Variants in GNAI2 observed in about 807,000 individuals in gnomAD.
GNAI2 encodes the protein guanine nucleotide-binding protein G(i) subunit alpha-2.
Under a neutral mutation model 36.8 loss-of-function variants are expected in GNAI2, and 4 were observed. That is an observed-to-expected ratio of 0.11 (90% CI 0.05 to 0.25). The LOEUF (loss-of-function observed/expected upper bound fraction) is 0.25, where lower values mean the gene tolerates loss of function less well. Among genes scored for constraint, GNAI2 ranks in the 10% least tolerant of loss-of-function variants. The probability of loss-of-function intolerance (pLI) is 1.00; values close to 1 mark genes in which losing one functional copy is unlikely to be tolerated. For synonymous variants in GNAI2, 194 were observed against 194.1 expected (o/e 1.00, Z 0.01); for missense variants, 230 against 481.3 (o/e 0.48, Z 4.89).
In GNAI2 at chr3:50,252,635, G is replaced by A. The variant is rs782820635; in HGVS notation, c.303+97G>A. 48 of 1,045,954 alleles carry A rather than the reference G, an allele frequency of 4.6e-5. No homozygotes were observed. Among genetic ancestry groups the A allele is most frequent in the Middle Eastern group, 2.9e-4 (1 of 3,396 alleles). The allele number at this position is 1,045,954 out of a possible 1,614,324, so 64.8% of individuals were successfully genotyped here. ...CCTATAAATCCCAGCACTTTGGGAC[G>A]CCGAGGCGGGTGGATCACCTGAGGT... On this transcript the variant is annotated intron_variant, in intron 3 of 8. Transcript: ENST00000313601. The surrounding 1 kb of genome is among the most constrained non-coding windows in gnomAD (Gnocchi z 4.1).
chr3:50,236,466 C>A lies in GNAI2; in HGVS notation c.118+13C>A, dbSNP rs1553700405. ...TTGCTGCTGTTGGGTGAGGCCGCGT[C>A]CCGCACTGGGATCCTTGATTCCCAG... is the stretch of plus-strand genomic sequence containing the variant. On this transcript the variant is annotated intron_variant, in intron 1 of 8. Transcript: ENST00000313601. The surrounding 1 kb of genome is among the most constrained non-coding windows in gnomAD (Gnocchi z 4.0). 6.4e-7 allele frequency: 1 copy of A among 1,573,190 alleles called. No homozygotes were observed. The highest frequency in any genetic ancestry group is 8.6e-7 in the Non-Finnish European group (1 of 1,163,540).
chr3:50,246,351 C>G (rs782639713), intron 1 of GNAI2, among the ~76,000 whole-genome samples: 45 of 152,338 alleles, frequency 3.0e-4, no homozygotes, highest in South Asian at 1.4e-3. Context: ...ACAGTGTCTC[C>G]GGCTGCCGGG....
chr3:50,245,478 C>T (rs1205643576), intron 1 of GNAI2, among the ~76,000 whole-genome samples: 5 of 152,218 alleles, frequency 3.3e-5, no homozygotes, highest in African/African-American at 1.2e-4. Context: ...CGTTATCTTT[C>T]CCAGAGTCCA....
chr3:50,256,932 C>T lies in GNAI2; in HGVS notation c.724-5C>T, dbSNP rs1157426386. The T allele has an allele frequency of 6.2e-7, 1 of 1,613,954 alleles. No individual in the cohort carries two copies. The highest frequency in any genetic ancestry group is 8.5e-7 in the Non-Finnish European group (1 of 1,179,974). On this transcript the variant is annotated splice_region_variant and splice_polypyrimidine_tract_variant and intron_variant, in intron 6 of 8. Coordinates refer to ENST00000313601, the MANE Select transcript of GNAI2 (RefSeq NM_002070.4). ...CTAGCGTTGACCTTGCTATTCTACC[C>T]CCAGAACCGCATGCATGAGAGCATG...
In GNAI2 at chr3:50,252,324, C is replaced by A. The variant is rs1553702596; in HGVS notation, c.162-73C>A. ...AGTTTTCCCTTCTCTGAAGCAGGTC[C>A]CAGTAGCCCCAGGCAGCCGTGGGAA... On this transcript the variant is annotated intron_variant, in intron 2 of 8. Transcript: ENST00000313601. This position sits in a 1 kb window ranked among gnomAD's most constrained non-coding sequence, Gnocchi z 4.1. 6.5e-7 allele frequency: 1 copy of A among 1,535,452 alleles called. No individual in the cohort carries two copies. Among genetic ancestry groups the A allele is most frequent in the African/African-American group, 1.4e-5 (1 of 73,424 alleles).
At chr3:50,257,458 C>A in intron 7 of GNAI2, 42 bp from the exon 8 acceptor site, 3 of 1,413,842 alleles carry the variant, frequency 2.1e-6, no homozygotes, top group Non-Finnish European at 2.9e-6. Context: ...TGCGGCCTGC[C>A]TGCCACACAT....
upstream of GNAI2, chr3:50,236,197 C>T (rs1195993369): frequency 2.5e-6 from 3 of 1,178,322 alleles, no homozygotes; most frequent in African/African-American, 3.2e-5. This position sits in a 1 kb window ranked among gnomAD's most constrained non-coding sequence, Gnocchi z 4.0. Context: ...GGGAAGGCGC[C>T]TCCCGCAGTC....
upstream of GNAI2, among the ~76,000 whole-genome samples, chr3:50,231,793 G>A (rs1453555296): frequency 6.6e-6 from 1 of 152,170 alleles, no homozygotes; most frequent in Admixed American, 6.5e-5. Context: ...AGGGAAGATC[G>A]AGGGATGGAG....
At position 50,252,641 on chromosome 3, in the gene GNAI2, G is replaced by A. The variant is rs587613601; in HGVS notation, c.303+103G>A. 1 of 993,410 alleles carries A rather than the reference G, an allele frequency of 1.0e-6. No individual in the cohort carries two copies. The highest frequency in any genetic ancestry group is 2.6e-5 in the East Asian group (1 of 38,104). The allele number at this position is 993,410 out of a possible 1,614,324, so 61.5% of individuals were successfully genotyped here. A position where few individuals can be genotyped will look rare whatever the true frequency, so the allele number is the denominator to read the frequency against. Reference sequence around the variant, plus strand: ...AATCCCAGCACTTTGGGACGCCGAGGCGGGTGGATCACCTGAGGTCAGGAC... The same window carrying A: ...AATCCCAGCACTTTGGGACGCCGAGACGGGTGGATCACCTGAGGTCAGGAC... On this transcript the variant is annotated intron_variant, in intron 3 of 8. Transcript: ENST00000313601. The surrounding 1 kb of genome is among the most constrained non-coding windows in gnomAD (Gnocchi z 4.1).
rs1553703377 is a variant in GNAI2, at chr3:50,257,207, T to G, written c.877+117T>G. ...GGACAGAAGTGTAACCTTGGAACAC[T>G]GGCAGGGGCTGGTGCCTCACTTAGG... On this transcript the variant is annotated intron_variant, in intron 7 of 8. Transcript: ENST00000313601. The G allele has an allele frequency of 8.4e-6, 7 of 838,016 alleles. No homozygotes were observed. In the African/African-American group the frequency reaches 1.2e-4, roughly 14 times the overall value. 51.9% of individuals were successfully genotyped at this position (838,016 alleles called of 1,614,324 possible). A position where few individuals can be genotyped will look rare whatever the true frequency, so the allele number is the denominator to read the frequency against.
chr3:50,259,040 C>G lies in GNAI2; in HGVS notation c.*697C>G, dbSNP rs587698061. 84 of 413,164 alleles carry G rather than the reference C, an allele frequency of 2.0e-4. No individual in the cohort carries two copies. The highest frequency in any genetic ancestry group is 1.1e-3 in the South Asian group (63 of 57,822). The allele number at this position is 413,164 out of a possible 1,614,324, so 25.6% of individuals were successfully genotyped here. ...TGTGTCTGCGTGTTTACACCCGTCC[C>G]TCTGCTGGCCGCCCCCGTGCGAGCG... On this transcript the variant is annotated 3_prime_UTR_variant, in exon 9 of 9. Coordinates refer to ENST00000313601, the MANE Select transcript of GNAI2 (RefSeq NM_002070.4).
chr3:50,257,204 C>A, intron 7 of GNAI2, 114 bp downstream of exon 7: 1 of 877,586 alleles, frequency 1.1e-6, no homozygotes, highest in African/African-American at 1.7e-5. Flanking sequence ...AACCTTGGAA[C>A]ACTGGCAGGG....
In GNAI2 at chr3:50,238,854, C is replaced by A. The variant is rs1700242626; in HGVS notation, c.118+2401C>A. ...GTAGCGGGAGACTTTGTCCAGGCAA[C>A]GGGACTCAGGTTGGGCAACTGCCAG... On this transcript the variant is annotated intron_variant, in intron 1 of 8. Coordinates refer to ENST00000313601, the MANE Select transcript of GNAI2 (RefSeq NM_002070.4). The surrounding 1 kb of genome is among the most constrained non-coding windows in gnomAD (Gnocchi z 5.0). 6.6e-6 allele frequency among the ~76,000 whole-genome samples: 1 copy of A among 152,208 alleles called. No individual in the cohort carries two copies. Among genetic ancestry groups the A allele is most frequent in the Non-Finnish European group, 1.5e-5 (1 of 68,040 alleles).
upstream of GNAI2, chr3:50,235,951 C>T (rs144135429): frequency 5.9e-3 from 910 of 155,280 alleles, 10 homozygotes; most frequent in African/African-American, 0.02. Context: ...GCAGCCCGCC[C>T]AGTGCCGGGT....
chr3:50,256,185 T>G lies in GNAI2; in HGVS notation c.465-7T>G. 4.5e-6 allele frequency: 2 copies of G among 446,216 alleles called. No individual in the cohort carries two copies. Among genetic ancestry groups the G allele is most frequent in the Non-Finnish European group, 8.1e-6 (2 of 246,080 alleles). The allele number at this position is 446,216 out of a possible 1,614,324, so 27.6% of individuals were successfully genotyped here. On this transcript the variant is annotated splice_region_variant and splice_polypyrimidine_tract_variant and intron_variant, in intron 4 of 8. Transcript: ENST00000313601. The stretch of plus-strand genomic sequence containing the variant: ...CCCCCACTGACCCTCCCACCCCCCA[T>G]CCCCAGCTACCTGAACGACCTGGAG...
At chr3:50,247,696 A>T (rs1379708621) in intron 1 of GNAI2, among the ~76,000 whole-genome samples, 2 of 152,212 alleles carry the variant, frequency 1.3e-5, no homozygotes, top group Non-Finnish European at 2.9e-5. Context: ...GCACATCACT[A>T]TGATTACTGC....
chr3:50,227,176 A>C (rs191549028), upstream of GNAI2: 308 of 1,447,864 alleles, frequency 2.1e-4, no homozygotes, highest in East Asian at 6.8e-3. This position sits in a 1 kb window ranked among gnomAD's most constrained non-coding sequence, Gnocchi z 5.9. Flanking sequence ...GGCGGGTGTC[A>C]CTGGGGACGT....
intron 1 of GNAI2, among the ~76,000 whole-genome samples, chr3:50,239,027 G>A (rs1700245962): frequency 6.6e-6 from 1 of 152,190 alleles, no homozygotes; most frequent in Admixed American, 6.5e-5. Flanking sequence ...GTATTTCCTG[G>A]CAACTTTGTA....
chr3:50,236,201 C>G (rs587704655), upstream of GNAI2: 12 of 1,179,322 alleles, frequency 1.0e-5, no homozygotes, highest in South Asian at 2.5e-4. This position sits in a 1 kb window ranked among gnomAD's most constrained non-coding sequence, Gnocchi z 4.0. Flanking sequence ...AGGCGCCTCC[C>G]GCAGTCGCTC....
Sources: allele counts gnomAD v4.1 joint callset (sites outside exome capture counted in the v4.1 genomes callset), GRCh38; gene constraint gnomAD v4.1.1; non-coding constraint Gnocchi (gnomAD v3.1); transcripts MANE v1.5; gene names NCBI Gene and HGNC (gene_info 2026-07-23, HGNC 2026-07-21).